The following RAB33A variants were observed in gnomAD, a reference collection of about 807,000 sequenced individuals.
RAB33A encodes RAB33A, member RAS oncogene family.
RAB33A carries 6 observed loss-of-function variants against 12.0 expected under a neutral mutation model. The ratio of observed to expected loss-of-function variants is 0.50; its 90% CI spans 0.27 to 0.99. The LOEUF (loss-of-function observed/expected upper bound fraction) is 0.99. RAB33A is among the 50% of genes least tolerant of loss of function. The pLI, the probability that RAB33A is intolerant of heterozygous loss-of-function variation, is 0.11. For missense variants in RAB33A, 109 were observed against 192.0 expected, an observed-to-expected ratio of 0.57 and a Z score of 2.55; for synonymous variants, 70 against 82.4, an observed-to-expected ratio of 0.85 and a Z score of 0.81.
chrX:130,117,076 T>C, the RAB33A span, among the ~76,000 whole-genome samples: 1 of 111,005 alleles, frequency 9.0e-6, no homozygotes, highest in African/African-American at 3.3e-5. Context: ...TAGCCGGGCG[T>C]GGTGGCGGGC....
the RAB33A span, chrX:130,155,357 C>A: frequency 8.7e-7 from 1 of 1,145,477 alleles, no homozygotes; most frequent in South Asian, 1.8e-5. Context: ...AAGAAACATT[C>A]AATACAAAGG....
the RAB33A span, among the ~76,000 whole-genome samples, chrX:130,122,003 T>C: frequency 8.9e-6 from 1 of 112,216 alleles, no homozygotes; most frequent in Admixed American, 9.4e-5. Flanking sequence ...CCTTGAGCTG[T>C]TCTGGACCCC....
chrX:130,129,846 G>T, the RAB33A span: 1 of 919,761 alleles, frequency 1.1e-6, no homozygotes, highest in Non-Finnish European at 1.6e-6. Context: ...CTATACCTTT[G>T]TTCTGCTCAG....
At chrX:130,147,838 T>C in the RAB33A span, 1 of 1,211,847 alleles carries the variant, frequency 8.3e-7, no homozygotes, top group Non-Finnish European at 1.1e-6. Context: ...GGAACATGAC[T>C]TGGCGCCTTG....
chrX:130,176,010 C>CCTGGCACAAAATCCT (rs2031661171), intron 1 of RAB33A, among the ~76,000 whole-genome samples: 1 of 111,274 alleles, frequency 9.0e-6, no homozygotes, highest in Admixed American at 9.6e-5. Flanking sequence ...CATCATGCTG[C>CCTGGCACAAAATCCT]CTGGCACAAA....
At chrX:130,168,978 C>T (rs1309189228), upstream of RAB33A, among the ~76,000 whole-genome samples, 3 of 110,102 alleles carry the variant, frequency 2.7e-5, no homozygotes, top group Admixed American at 9.7e-5. Flanking sequence ...GAGGCCAAGG[C>T]GGGCGGATCA....
intron 1 of RAB33A, 111 bp from the exon 2 acceptor site, chrX:130,184,174 C>G (rs1313677775): frequency 1.8e-5 from 13 of 723,995 alleles, no homozygotes; most frequent in Non-Finnish European, 2.6e-5. Flanking sequence ...TAGGCGTGAG[C>G]CACCGCACCC....
chrX:130,115,717 GAA>G, the RAB33A span, among the ~76,000 whole-genome samples: 156 of 105,297 alleles, frequency 1.5e-3, no homozygotes, highest in Non-Finnish European at 2.2e-3. Flanking sequence ...AAAAAAGAAA[GAA>G]AGAAAGAAAG....
At chrX:130,155,252 T>C in the RAB33A span, 1 of 1,208,717 alleles carries the variant, frequency 8.3e-7, no homozygotes, top group African/African-American at 1.7e-5. Flanking sequence ...ATGCTAGTGA[T>C]CTAGAAGGGG....
chrX:130,140,793 C>T, the RAB33A span, among the ~76,000 whole-genome samples: 1 of 112,471 alleles, frequency 8.9e-6, no homozygotes, highest in Non-Finnish European at 1.9e-5. Context: ...ACATTTCCAT[C>T]ACCACCCCAA....
At chrX:130,159,912 C>T in the RAB33A span, among the ~76,000 whole-genome samples, 1 of 109,665 alleles carries the variant, frequency 9.1e-6, no homozygotes, top group African/African-American at 3.3e-5. Flanking sequence ...CCTATGCTTC[C>T]TGGGCTCAAG....
the RAB33A span, among the ~76,000 whole-genome samples, chrX:130,150,376 C>A: frequency 2.5e-5 from 2 of 79,056 alleles, no homozygotes; most frequent in Non-Finnish European, 4.5e-5. Context: ...CGCTCTGTTG[C>A]CCAGGCTGGA....
chrX:130,131,611 G>T, the RAB33A span: 2 of 1,194,140 alleles, frequency 1.7e-6, no homozygotes, highest in South Asian at 3.5e-5. Context: ...GAAACCCCTT[G>T]TTCAGGAGAA....
At position 130,181,117 on chromosome X, in the gene RAB33A, G is replaced by A. The variant is rs1284965646; in HGVS notation, c.259-3168G>A. On this transcript the variant is annotated intron_variant, in intron 1 of 1. Coordinates refer to ENST00000257017, the MANE Select transcript of RAB33A (RefSeq NM_004794.3). ...TACTTTGCTCTAGTCCAGGAGTGAGGAGAGGAGAGGCTGGCCGAGGGCCGA... is the reference window on the plus strand; with the variant it reads ...TACTTTGCTCTAGTCCAGGAGTGAGAAGAGGAGAGGCTGGCCGAGGGCCGA... Among the ~76,000 whole-genome samples, 9 of 108,865 alleles carry A rather than the reference G, an allele frequency of 8.3e-5. No individual in the cohort carries two copies. In the Admixed American group the frequency reaches 8.9e-4, roughly 11 times the overall value. 94.5% of individuals were successfully genotyped at this position (108,865 alleles called of 115,157 possible). A position where few individuals can be genotyped will look rare whatever the true frequency, so the allele number is the denominator to read the frequency against.
intron 1 of RAB33A, among the ~76,000 whole-genome samples, chrX:130,178,737 C>T (rs1311584105): frequency 9.1e-5 from 10 of 109,562 alleles, no homozygotes; most frequent in African/African-American, 1.7e-4. Context: ...CTGCAAGCTC[C>T]GCCTCCCAGG....
At chrX:130,113,862 T>C in the RAB33A span, among the ~76,000 whole-genome samples, 1 of 112,248 alleles carries the variant, frequency 8.9e-6, no homozygotes, top group Non-Finnish European at 1.9e-5. Flanking sequence ...AGCCTCACTT[T>C]TCTTATTTTT....
the RAB33A span, chrX:130,147,910 T>C: frequency 4.1e-6 from 5 of 1,210,109 alleles, no homozygotes; most frequent in Middle Eastern, 2.3e-4. Context: ...ATGAATCTTC[T>C]TGAAGTCTCA....
chrX:130,150,629 C>T, the RAB33A span, among the ~76,000 whole-genome samples: 4 of 106,000 alleles, frequency 3.8e-5, no homozygotes, highest in African/African-American at 1.4e-4. Context: ...GCCACCGCGC[C>T]CGGCCTATTG....
chrX:130,178,088 T>C (rs1212095422), intron 1 of RAB33A, among the ~76,000 whole-genome samples: 1 of 111,718 alleles, frequency 9.0e-6, no homozygotes, highest in Non-Finnish European at 1.9e-5. Flanking sequence ...GGCAGGATGA[T>C]TGCTTGAGCC....
Sources: gnomAD v4.1 joint callset for allele counts (sites outside exome capture counted in the v4.1 genomes callset) on GRCh38, gnomAD v4.1.1 for gene constraint, MANE v1.5 for transcripts, NCBI Gene and HGNC (gene_info 2026-07-23, HGNC 2026-07-21) for gene names.